CLASP2: variants seen among roughly 807,000 people sequenced by gnomAD.
CLASP2 encodes the protein cytoplasmic linker associated protein 2.
In CLASP2, 47 loss-of-function variants were observed where a neutral mutation model predicts 194.4. That is an observed-to-expected ratio of 0.24 (90% CI 0.19 to 0.31). The LOEUF (loss-of-function observed/expected upper bound fraction) is 0.31, where lower values mean the gene tolerates loss of function less well. Among genes scored for constraint, CLASP2 ranks in the 10% least tolerant of loss-of-function variants. CLASP2 has a pLI of 1.00. For missense variants in CLASP2, 1,445 were observed against 1,823.6 expected (o/e 0.79, Z 3.78); for synonymous variants, 619 against 633.5 (o/e 0.98, Z 0.34).
chr3:33,610,814 A>G (rs912371502), intron 13 of CLASP2, among the ~76,000 whole-genome samples: 1 of 152,232 alleles, frequency 6.6e-6, no homozygotes, highest in Admixed American at 6.5e-5. Flanking sequence ...TAAGACAGAG[A>G]TGACTGAACA....
chr3:33,644,826 G>A lies in CLASP2; in HGVS notation c.793C>T (p.Pro265Ser), dbSNP rs2082004696. 6.2e-7 allele frequency: 1 copy of A among 1,612,738 alleles called. No individual in the cohort carries two copies. The highest frequency in any genetic ancestry group is 1.1e-5 in the South Asian group (1 of 90,730). ...SAASAFKVPA[P>S]KTSGNPANSA... ...TTGGCAGGATTTCCGGATGTTTTAG[G>A]TGCAGGAACCTTGAAGGCTGATGCA... Residue 265 changes from proline to serine, a missense_variant, in exon 8 of 39, where the codon CCT (proline) becomes TCT (serine). Transcript: ENST00000682230.
intron 7 of CLASP2, among the ~76,000 whole-genome samples, chr3:33,650,878 T>A (rs1364539652): frequency 6.6e-6 from 1 of 152,126 alleles, no homozygotes; most frequent in Admixed American, 6.5e-5. Flanking sequence ...TTGGAAACTG[T>A]CCCTAGCAAG....
intron 8 of CLASP2, among the ~76,000 whole-genome samples, chr3:33,633,990 A>G (rs1395186079): frequency 6.6e-6 from 1 of 152,214 alleles, no homozygotes; most frequent in African/African-American, 2.4e-5. Context: ...AATCTTTATA[A>G]ATTCAGGATG....
At chr3:33,664,758 A>C (rs1026797758) in intron 6 of CLASP2, among the ~76,000 whole-genome samples, 24 of 152,186 alleles carry the variant, frequency 1.6e-4, no homozygotes, top group Admixed American at 9.8e-4. Context: ...GCCCAGACAC[A>C]AGAGGTGGAC....
intron 38 of CLASP2, among the ~76,000 whole-genome samples, chr3:33,498,929 G>A (rs922884626): frequency 5.9e-5 from 9 of 151,810 alleles, no homozygotes; most frequent in African/African-American, 2.2e-4. Flanking sequence ...AGTCAAAAAA[G>A]TTTCTAAGTC....
chr3:33,713,016 A>AAAAAAAAAAAAAAAG, intron 1 of CLASP2, among the ~76,000 whole-genome samples: 1 of 90,196 alleles, frequency 1.1e-5, no homozygotes, highest in Non-Finnish European at 2.3e-5. Flanking sequence ...CCACCTCAAA[A>AAAAAAAAAAAAAAAG]AAAAAAAAAA....
chr3:33,544,268 C>T (rs954737309), intron 31 of CLASP2, among the ~76,000 whole-genome samples: 4 of 152,180 alleles, frequency 2.6e-5, no homozygotes, highest in Non-Finnish European at 5.9e-5. Context: ...ACTGACAAGC[C>T]TGTGATCATT....
At chr3:33,707,103 A>G (rs1331653703) in intron 1 of CLASP2, among the ~76,000 whole-genome samples, 1 of 152,222 alleles carries the variant, frequency 6.6e-6, no homozygotes, top group East Asian at 1.9e-4. Context: ...TTCCCATGAA[A>G]AAAAGATCAA....
chr3:33,508,005 A>G (rs973594684), intron 37 of CLASP2, among the ~76,000 whole-genome samples: 1 of 150,484 alleles, frequency 6.6e-6, no homozygotes, highest in East Asian at 1.9e-4. Flanking sequence ...ATATATATAT[A>G]TTTTTTGGAG....
At chr3:33,614,036 G>C (rs1050038930) in intron 12 of CLASP2, among the ~76,000 whole-genome samples, 2 of 151,564 alleles carry the variant, frequency 1.3e-5, no homozygotes, top group Non-Finnish European at 2.9e-5. Context: ...TGACAACAGG[G>C]GAAAAAAAGC....
At chr3:33,617,952 T>TATA (rs368493299) in intron 12 of CLASP2, among the ~76,000 whole-genome samples, 68 of 77,438 alleles carry the variant, frequency 8.8e-4, no homozygotes, top group Middle Eastern at 6.8e-3. Flanking sequence ...TATATATATA[T>TATA]TTTTTTTTTT....
chr3:33,554,455 T>C (rs112186892), intron 29 of CLASP2, among the ~76,000 whole-genome samples: 3 of 152,024 alleles, frequency 2.0e-5, no homozygotes, highest in African/African-American at 7.2e-5. Context: ...ACGTAAAAAG[T>C]CAAATTTATA....
intron 32 of CLASP2, among the ~76,000 whole-genome samples, chr3:33,541,414 T>C (rs2058341165): frequency 6.6e-6 from 1 of 152,150 alleles, no homozygotes; most frequent in Admixed American, 6.5e-5. Context: ...TTTGGTTGTA[T>C]AGATTATTTT....
chr3:33,715,847 TAAAAAAAAAAAAAAAA>T (rs59528446), intron 1 of CLASP2, among the ~76,000 whole-genome samples: 1 of 62,134 alleles, frequency 1.6e-5, no homozygotes, highest in Non-Finnish European at 2.9e-5. Flanking sequence ...GTATCTTAAG[TAAAAAAAAAAAAAAAA>T]AAAAAAAAAA....
chr3:33,563,244 T>G (rs1031908455), intron 27 of CLASP2, among the ~76,000 whole-genome samples: 1 of 152,234 alleles, frequency 6.6e-6, no homozygotes, highest in East Asian at 1.9e-4. Context: ...AAGTTTAGTA[T>G]GTTTGGCCGT....
intron 1 of CLASP2, among the ~76,000 whole-genome samples, chr3:33,697,804 G>A (rs2092057542): frequency 6.6e-6 from 1 of 152,168 alleles, no homozygotes; most frequent in African/African-American, 2.4e-5. Flanking sequence ...CAACTAACCT[G>A]AAATCTAAAC....
chr3:33,710,427 T>A (rs750528752), intron 1 of CLASP2, among the ~76,000 whole-genome samples: 3 of 152,252 alleles, frequency 2.0e-5, no homozygotes, highest in East Asian at 1.9e-4. Context: ...ACATAATTTT[T>A]AAAGGCATAG....
At chr3:33,684,285 A>C in intron 6 of CLASP2, 74 bp downstream of exon 6, 1 of 781,906 alleles carries the variant, frequency 1.3e-6, no homozygotes, top group Non-Finnish European at 2.1e-6. Context: ...ATACATTGAA[A>C]TACACAAATA....
At chr3:33,522,445 G>C (rs2053392444) in intron 34 of CLASP2, among the ~76,000 whole-genome samples, 1 of 152,156 alleles carries the variant, frequency 6.6e-6, no homozygotes, top group African/African-American at 2.4e-5. Context: ...GGGGTATTGA[G>C]AGAATCTGAT....
Sources: gnomAD v4.1 joint callset for allele counts (sites outside exome capture counted in the v4.1 genomes callset) on GRCh38, gnomAD v4.1.1 for gene constraint, MANE v1.5 for transcripts, NCBI Gene and HGNC (gene_info 2026-07-23, HGNC 2026-07-21) for gene names.